NRXN1: variants seen among roughly 807,000 people sequenced by gnomAD.
The protein encoded by NRXN1 is neurexin-1.
In NRXN1, 39 loss-of-function variants were observed where a neutral mutation model predicts 150.9. The ratio of observed to expected loss-of-function variants is 0.26; its 90% CI spans 0.20 to 0.34. The LOEUF (loss-of-function observed/expected upper bound fraction) is 0.34. NRXN1 is among the 10% of genes least tolerant of loss of function. NRXN1 has a pLI of 1.00. For synonymous variants in NRXN1, 924 were observed against 757.0 expected, an observed-to-expected ratio of 1.22 and a Z score of -3.62; for missense variants, 1,815 against 1,949.9, an observed-to-expected ratio of 0.93 and a Z score of 1.30.
At chr2:50,883,334 T>C (rs1199168721) in intron 5 of NRXN1, among the ~76,000 whole-genome samples, 7 of 151,836 alleles carry the variant, frequency 4.6e-5, no homozygotes, top group Non-Finnish European at 8.8e-5. Flanking sequence ...GTTTTGCTAC[T>C]GAAATTGACA....
Position 49,921,968 on chromosome 2 carries a change from G to C in NRXN1, c.4500C>G (p.Asn1500Lys). ...ATCAGACATAATACTCTTTATCCTT[G>C]TTTTTCTTATTTTTGTTGGAGCTTT... ...SAKSSNKNKKNKDKEYYV is the reference protein window; with the variant it reads ...SAKSSNKNKKKKDKEYYV Residue 1500 changes from asparagine (N) to lysine (K), a missense_variant, in exon 23 of 23, where the codon AAC (asparagine) becomes AAG (lysine). Coordinates refer to ENST00000401669, the MANE Select transcript of NRXN1 (RefSeq NM_001330078.2). The C allele has an allele frequency of 6.2e-7, 1 of 1,614,014 alleles. No individual in the cohort carries two copies. The highest frequency in any genetic ancestry group is 2.2e-5 in the East Asian group (1 of 44,876).
At chr2:50,343,181 C>G (rs916291180) in intron 17 of NRXN1, among the ~76,000 whole-genome samples, 11 of 152,288 alleles carry the variant, frequency 7.2e-5, no homozygotes, top group Non-Finnish European at 1.3e-4. Context: ...AAGGATGGCA[C>G]TGGTGGCTTT....
intron 18 of NRXN1, among the ~76,000 whole-genome samples, chr2:50,219,733 A>G (rs1018291687): frequency 6.7e-6 from 1 of 149,870 alleles, no homozygotes; most frequent in Non-Finnish European, 1.5e-5. Context: ...CAAAAAATTC[A>G]AAAAATTAGT....
chr2:50,925,693 T>C (rs192245745), intron 3 of NRXN1, among the ~76,000 whole-genome samples: 25 of 152,082 alleles, frequency 1.6e-4, no homozygotes, highest in Middle Eastern at 3.4e-3. Context: ...GTAATAACTA[T>C]TCTAAGCTTC....
chr2:50,781,451 C>A (rs953959681), intron 5 of NRXN1, among the ~76,000 whole-genome samples: 1 of 151,400 alleles, frequency 6.6e-6, no homozygotes, highest in Non-Finnish European at 1.5e-5. Flanking sequence ...TATCTCCAAG[C>A]GCTTAGCCCT....
At chr2:51,010,453 G>C (rs1158007895) in intron 2 of NRXN1, among the ~76,000 whole-genome samples, 3 of 151,878 alleles carry the variant, frequency 2.0e-5, no homozygotes, top group African/African-American at 7.3e-5. Context: ...GTTATATTGT[G>C]AGTCATTATA....
intron 5 of NRXN1, among the ~76,000 whole-genome samples, chr2:50,690,340 A>T (rs757347173): frequency 1.3e-5 from 2 of 152,214 alleles, no homozygotes; most frequent in African/African-American, 2.4e-5. Context: ...ATTCATAAAT[A>T]TGGATTTGAT....
intron 5 of NRXN1, among the ~76,000 whole-genome samples, chr2:50,852,323 T>C (rs1323314890): frequency 6.6e-6 from 1 of 152,224 alleles, no homozygotes; most frequent in Non-Finnish European, 1.5e-5. Flanking sequence ...GAAACAACTT[T>C]AAGCAAGAAT....
chr2:50,063,575 C>CACAT (rs1694906454), intron 19 of NRXN1, among the ~76,000 whole-genome samples: 1 of 151,578 alleles, frequency 6.6e-6, no homozygotes, highest in Non-Finnish European at 1.5e-5. Context: ...CACACACACA[C>CACAT]ACACACACAC....
intron 21 of NRXN1, among the ~76,000 whole-genome samples, chr2:50,010,896 G>T (rs1283819765): frequency 6.6e-6 from 1 of 152,094 alleles, no homozygotes; most frequent in Non-Finnish European, 1.5e-5. Context: ...CTTGAAAAAT[G>T]TCTACATGAA....
At chr2:50,409,318 C>G (rs182902923) in intron 17 of NRXN1, among the ~76,000 whole-genome samples, 6 of 152,294 alleles carry the variant, frequency 3.9e-5, no homozygotes, top group African/African-American at 1.4e-4. Flanking sequence ...TGTTCAACCT[C>G]CTTTACTCAT....
At chr2:50,599,553 T>A (rs1387377110) in intron 8 of NRXN1, among the ~76,000 whole-genome samples, 2 of 152,186 alleles carry the variant, frequency 1.3e-5, no homozygotes, top group South Asian at 2.1e-4. Context: ...AAAGACATAA[T>A]GAGTATTGCA....
At chr2:50,707,499 G>T (rs1194074613) in intron 5 of NRXN1, among the ~76,000 whole-genome samples, 2 of 152,146 alleles carry the variant, frequency 1.3e-5, no homozygotes, top group Non-Finnish European at 2.9e-5. Context: ...ACGTTATCTT[G>T]TACTTTCAGC....
At chr2:50,558,040 A>G (rs17040825) in intron 8 of NRXN1, among the ~76,000 whole-genome samples, 28,408 of 152,138 alleles carry the variant, frequency 0.19, 2,796 homozygotes, top group East Asian at 0.36. Flanking sequence ...GTGGTATCTA[A>G]CAACAGCGGC....
chr2:50,613,488 T>C (rs1678523463), intron 8 of NRXN1, among the ~76,000 whole-genome samples: 1 of 152,192 alleles, frequency 6.6e-6, no homozygotes, highest in African/African-American at 2.4e-5. Context: ...ACTTTTAATA[T>C]AAAAGTTAGC....
At chr2:50,913,837 T>C (rs368477626) in intron 5 of NRXN1, among the ~76,000 whole-genome samples, 21 of 151,744 alleles carry the variant, frequency 1.4e-4, no homozygotes, top group African/African-American at 4.6e-4. Flanking sequence ...AAAGAATACA[T>C]CCCGAAAATG....
At chr2:50,646,543 A>G (rs1684836698) in intron 5 of NRXN1, among the ~76,000 whole-genome samples, 2 of 151,956 alleles carry the variant, frequency 1.3e-5, no homozygotes, top group Non-Finnish European at 2.9e-5. Context: ...CTTTGGCTGC[A>G]GATCTGAGAT....
At chr2:50,675,173 A>T (rs1236280428) in intron 5 of NRXN1, among the ~76,000 whole-genome samples, 1 of 152,142 alleles carries the variant, frequency 6.6e-6, no homozygotes, top group Non-Finnish European at 1.5e-5. Flanking sequence ...AGCCTGCTGA[A>T]GTGTGAGCCA....
intron 5 of NRXN1, among the ~76,000 whole-genome samples, chr2:50,704,712 T>A (rs1293686857): frequency 6.6e-6 from 1 of 151,792 alleles, no homozygotes; most frequent in Non-Finnish European, 1.5e-5. Flanking sequence ...TTTACTGCTT[T>A]CCTTGATCTC....
Sources: allele counts gnomAD v4.1 joint callset (sites outside exome capture counted in the v4.1 genomes callset), GRCh38; gene constraint gnomAD v4.1.1; transcripts MANE v1.5; gene names NCBI Gene and HGNC (gene_info 2026-07-23, HGNC 2026-07-21).